Variants in SMYD3 observed in about 807,000 individuals in gnomAD.
The protein encoded by SMYD3 is histone-lysine N-methyltransferase SMYD3.
Under a neutral mutation model 57.7 loss-of-function variants are expected in SMYD3, and 36 were observed. The ratio of observed to expected loss-of-function variants is 0.62; its 90% CI spans 0.48 to 0.82. SMYD3 has a LOEUF of 0.82. SMYD3 is among the 40% of genes least tolerant of loss of function. The pLI is 0.00. For synonymous variants in SMYD3, 211 were observed against 195.0 expected (o/e 1.08, Z -0.68); for missense variants, 515 against 538.8 (o/e 0.96, Z 0.44).
intron 9 of SMYD3, among the ~76,000 whole-genome samples, chr1:245,862,494 T>C (rs2051604131): frequency 9.6e-6 from 1 of 103,782 alleles, no homozygotes; most frequent in Non-Finnish European, 2.7e-5. Flanking sequence ...TAGAGATCTT[T>C]TGAACTCTTT....
At chr1:246,096,714 T>C (rs1003168986) in intron 5 of SMYD3, among the ~76,000 whole-genome samples, 2 of 152,230 alleles carry the variant, frequency 1.3e-5, no homozygotes, top group Non-Finnish European at 2.9e-5. Flanking sequence ...CTAACTTTTG[T>C]TGAATAAAAG....
At chr1:246,104,943 A>G (rs1453153899) in intron 5 of SMYD3, among the ~76,000 whole-genome samples, 1 of 152,186 alleles carries the variant, frequency 6.6e-6, no homozygotes, top group East Asian at 1.9e-4. Flanking sequence ...CAACAGGGGG[A>G]AAGAGATCTC....
chr1:246,311,943 G>A (rs1283677117), intron 5 of SMYD3, among the ~76,000 whole-genome samples: 1 of 152,178 alleles, frequency 6.6e-6, no homozygotes, highest in East Asian at 1.9e-4. Flanking sequence ...ACAATGGGAA[G>A]GAGCTAAAAC....
intron 3 of SMYD3, among the ~76,000 whole-genome samples, chr1:246,334,944 G>A (rs947456339): frequency 2.6e-5 from 4 of 152,086 alleles, no homozygotes; most frequent in Non-Finnish European, 5.9e-5. Flanking sequence ...AAAGGAAGAG[G>A]CAATCAATGC....
chr1:246,386,641 T>TA (rs35215830), intron 1 of SMYD3, among the ~76,000 whole-genome samples: 53,190 of 144,442 alleles, frequency 0.37, 9,837 homozygotes, highest in East Asian at 0.5. Flanking sequence ...TTTTAATTGT[T>TA]AAAAAAAAAA....
chr1:245,941,993 A>G (rs2057262649), intron 5 of SMYD3, among the ~76,000 whole-genome samples: 2 of 152,218 alleles, frequency 1.3e-5, no homozygotes, highest in African/African-American at 4.8e-5. Context: ...AAATAAGGAA[A>G]GGAAAAACTG....
At chr1:245,936,505 G>C (rs183775156) in intron 5 of SMYD3, among the ~76,000 whole-genome samples, 16 of 152,122 alleles carry the variant, frequency 1.1e-4, no homozygotes, top group Non-Finnish European at 2.1e-4. Flanking sequence ...AATCCAGCTG[G>C]TTTCTTAAAG....
At chr1:245,940,569 AC>A (rs1439407373) in intron 5 of SMYD3, among the ~76,000 whole-genome samples, 1 of 151,210 alleles carries the variant, frequency 6.6e-6, no homozygotes, top group African/African-American at 2.4e-5. Flanking sequence ...TGTTAAAAAA[AC>A]AAAACAAAAC....
intron 2 of SMYD3, among the ~76,000 whole-genome samples, chr1:246,339,211 A>G (rs2065591546): frequency 6.6e-6 from 1 of 152,212 alleles, no homozygotes; most frequent in African/African-American, 2.4e-5. Context: ...TTGAGTTACC[A>G]ATACAACACG....
intron 5 of SMYD3, among the ~76,000 whole-genome samples, chr1:245,978,345 G>A (rs945431889): frequency 6.6e-6 from 1 of 152,118 alleles, no homozygotes; most frequent in African/African-American, 2.4e-5. Flanking sequence ...GTGTGTGCAG[G>A]CATTTAAAAC....
At chr1:246,495,115 C>T (rs1215697376) in intron 1 of SMYD3, among the ~76,000 whole-genome samples, 4 of 152,146 alleles carry the variant, frequency 2.6e-5, no homozygotes, top group African/African-American at 9.6e-5. Context: ...TTTGGGAGGC[C>T]AAGGCGGGTG....
intron 10 of SMYD3, among the ~76,000 whole-genome samples, chr1:245,843,926 G>T (rs1471742368): frequency 6.6e-6 from 1 of 152,156 alleles, no homozygotes; most frequent in Admixed American, 6.5e-5. Flanking sequence ...AATTATTTGG[G>T]TACAATTCCA....
chr1:246,042,449 AC>A (rs746758726), intron 5 of SMYD3, among the ~76,000 whole-genome samples: 4 of 152,086 alleles, frequency 2.6e-5, no homozygotes, highest in Non-Finnish European at 5.9e-5. Context: ...GGAGCTCAGC[AC>A]CTTCCACAGG....
intron 5 of SMYD3, among the ~76,000 whole-genome samples, chr1:246,171,881 A>C (rs1208380976): frequency 3.3e-5 from 5 of 152,152 alleles, no homozygotes; most frequent in Admixed American, 6.5e-5. Context: ...CATGTTGGCA[A>C]ACATCTGTAA....
chr1:246,316,541 G>GTTTTTTTTTT (rs112553747), intron 5 of SMYD3, among the ~76,000 whole-genome samples: 1 of 107,340 alleles, frequency 9.3e-6, no homozygotes. Context: ...TGTTGTTTTG[G>GTTTTTTTTTT]TTTTTTTTTT....
chr1:246,288,062 C>CTTTTTTTTTTTTTTTTTTTTTTTT (rs67603439), intron 5 of SMYD3, among the ~76,000 whole-genome samples: 2 of 64,208 alleles, frequency 3.1e-5, no homozygotes, highest in African/African-American at 6.7e-5. Context: ...TCAGGTAATT[C>CTTTTTTTTTTTTTTTTTTTTTTTT]TTTTTTTTTT....
At chr1:246,400,160 C>T (rs1025190348) in intron 1 of SMYD3, among the ~76,000 whole-genome samples, 1 of 152,146 alleles carries the variant, frequency 6.6e-6, no homozygotes, top group African/African-American at 2.4e-5. Flanking sequence ...TAAGACACTG[C>T]CATCAGTTTA....
chr1:246,196,931 G>A (rs78233228), intron 5 of SMYD3, among the ~76,000 whole-genome samples: 26 of 151,636 alleles, frequency 1.7e-4, no homozygotes, highest in African/African-American at 6.3e-4. Context: ...TAGGATATGA[G>A]CAGGAAACAT....
intron 5 of SMYD3, among the ~76,000 whole-genome samples, chr1:246,088,588 C>T (rs1202705886): frequency 8.7e-5 from 8 of 91,872 alleles, no homozygotes; most frequent in East Asian, 7.2e-4. Context: ...CCAGCCTGGG[C>T]GACAGGGCGA....
Sources: gnomAD v4.1 joint callset for allele counts (sites outside exome capture counted in the v4.1 genomes callset) on GRCh38, gnomAD v4.1.1 for gene constraint, MANE v1.5 for transcripts, NCBI Gene and HGNC (gene_info 2026-07-23, HGNC 2026-07-21) for gene names.